The following CCNH variants were observed in gnomAD, a reference collection of about 807,000 sequenced individuals.
CCNH encodes the protein cyclin-H.
Under a neutral mutation model 41.9 loss-of-function variants are expected in CCNH, and 31 were observed. The ratio of observed to expected loss-of-function variants is 0.74; its 90% confidence interval spans 0.56 to 1.00. The LOEUF (loss-of-function observed/expected upper bound fraction) is 1.00. Among genes scored for constraint, CCNH ranks in the 50% least tolerant of loss-of-function variants. The pLI is 0.00. For missense variants in CCNH, 362 were observed against 388.4 expected, an observed-to-expected ratio of 0.93 and a Z score of 0.57; for synonymous variants, 138 against 136.1, an observed-to-expected ratio of 1.01 and a Z score of -0.10.
At chr5:87,376,194 T>A (rs768224355), downstream of CCNH, 21 of 637,468 alleles carry the variant, frequency 3.3e-5, 1 homozygote, top group Non-Finnish European at 5.4e-5. Flanking sequence ...ATCTCTGTAC[T>A]CTCTACCTAT....
chr5:87,335,303 T>A (rs1427325039), intron 9 of CCNH, among the ~76,000 whole-genome samples: 1 of 152,128 alleles, frequency 6.6e-6, no homozygotes, highest in Non-Finnish European at 1.5e-5. Flanking sequence ...AATGACAAAA[T>A]TTGAGTTTTG....
chr5:87,375,073 C>A (rs1452648516), downstream of CCNH, among the ~76,000 whole-genome samples: 2 of 151,956 alleles, frequency 1.3e-5, no homozygotes, highest in Non-Finnish European at 2.9e-5. Context: ...TATTGATTAT[C>A]AAGAAAGAAT....
At chr5:87,338,796 A>AAT (rs1226700895) in intron 9 of CCNH, among the ~76,000 whole-genome samples, 4 of 151,560 alleles carry the variant, frequency 2.6e-5, no homozygotes, top group Admixed American at 6.6e-5. Flanking sequence ...TTATCTTTCA[A>AAT]ATATATATAT....
chr5:87,408,177 A>G lies in CCNH; in HGVS notation c.324T>C (p.Cys108=). The G allele has an allele frequency of 6.3e-7, 1 of 1,594,580 alleles. No homozygotes were observed. Among genetic ancestry groups the G allele is most frequent in the Non-Finnish European group, 8.6e-7 (1 of 1,167,754 alleles). ...CATCTACTTTGCAGGCCAAAAATGC[A>G]CAAGTGAGCCTAGAGGAAAAAATAA... The part of the protein sequence containing the change: ...EYHPRIIMLT[C]AFLACKVDEF... The change falls in exon 4 of 9, where the codon TGT becomes TGC. Residue 108 remains cysteine (C), a synonymous_variant. Transcript: ENST00000256897.
At chr5:87,409,223 A>C (rs1202869714) in intron 3 of CCNH, 67 bp downstream of exon 3, 6 of 934,552 alleles carry the variant, frequency 6.4e-6, no homozygotes, top group African/African-American at 3.3e-5. Flanking sequence ...CTCTCCTCCC[A>C]AAAAATACTC....
intron 9 of CCNH, among the ~76,000 whole-genome samples, chr5:87,346,395 G>C (rs1301398041): frequency 2.0e-5 from 3 of 151,870 alleles, no homozygotes; most frequent in African/African-American, 7.2e-5. Flanking sequence ...ACCTATAACA[G>C]TCTGTTATTA....
chr5:87,390,372 A>G (rs1383656684), downstream of CCNH, among the ~76,000 whole-genome samples: 1 of 152,088 alleles, frequency 6.6e-6, no homozygotes, highest in Non-Finnish European at 1.5e-5. Context: ...GAGTTTGGTG[A>G]CTGAGTTCTC....
chr5:87,412,851 G>A lies in CCNH; in HGVS notation c.-57C>T, dbSNP rs913831994. On this transcript the variant is annotated 5_prime_UTR_variant, in exon 1 of 9. It adds an upstream start codon to the 5' untranslated region. Coordinates refer to ENST00000256897, the MANE Select transcript of CCNH (RefSeq NM_001239.4). ...CAGACGAGAACCCAAACGCATCAGC[G>A]TCCTGGCGTAAAACACCCGTACCCC... is the stretch of plus-strand genomic sequence containing the variant. 7.6e-6 allele frequency: 12 copies of A among 1,589,274 alleles called. No individual in the cohort carries two copies. The South Asian group carries it at 7.7e-5, about 10-fold the overall frequency.
At chr5:87,399,092 G>A (rs1474588240) in intron 7 of CCNH, among the ~76,000 whole-genome samples, 1 of 152,116 alleles carries the variant, frequency 6.6e-6, no homozygotes. Flanking sequence ...AAGATTAAAA[G>A]GACAGGAAAA....
intron 9 of CCNH, among the ~76,000 whole-genome samples, chr5:87,326,865 A>G (rs1280281479): frequency 6.6e-6 from 1 of 152,216 alleles, no homozygotes; most frequent in African/African-American, 2.4e-5. Context: ...TTAATGCCTT[A>G]GTAGAAAAAA....
chr5:87,399,288 A>G lies in CCNH; in HGVS notation c.872+106T>C, dbSNP rs548824087. ...CAATAAAGAAAATCTGATTTTATGGATCAGTCAGCTTTCCTCTAATGAGCA... is the reference window on the plus strand; with the variant it reads ...CAATAAAGAAAATCTGATTTTATGGGTCAGTCAGCTTTCCTCTAATGAGCA... On this transcript the variant is annotated intron_variant, in intron 7 of 8. Coordinates refer to ENST00000256897, the MANE Select transcript of CCNH (RefSeq NM_001239.4). 6.4e-6 allele frequency: 5 copies of G among 777,034 alleles called. No individual in the cohort carries two copies. In the South Asian group the frequency reaches 7.7e-5, roughly 12 times the overall value. The allele number at this position is 777,034 out of a possible 1,614,324, so 48.1% of individuals were successfully genotyped here.
At chr5:87,371,651 AT>A (rs769032137), downstream of CCNH, among the ~76,000 whole-genome samples, 3 of 152,120 alleles carry the variant, frequency 2.0e-5, no homozygotes, top group Non-Finnish European at 2.9e-5. Flanking sequence ...GTATAGATTA[AT>A]ATGCTTGTCA....
downstream of CCNH, chr5:87,386,949 T>C: frequency 6.8e-7 from 1 of 1,478,326 alleles, no homozygotes; most frequent in South Asian, 1.1e-5. Flanking sequence ...TTCTAGTTGA[T>C]ATAGCTGAGT....
intron 4 of CCNH, 46 bp from the exon 5 acceptor site, chr5:87,405,053 G>C: frequency 7.2e-7 from 1 of 1,393,410 alleles, no homozygotes. Flanking sequence ...GGGTTTAAAT[G>C]GAGTATAACA....
At chr5:87,312,113 A>G in the CCNH span, among the ~76,000 whole-genome samples, 1 of 152,244 alleles carries the variant, frequency 6.6e-6, no homozygotes, top group Admixed American at 6.5e-5. Context: ...GATGCAACCT[A>G]TGATATGCAT....
intron 9 of CCNH, chr5:87,362,433 A>T: frequency 1.1e-6 from 1 of 939,456 alleles, no homozygotes; most frequent in Non-Finnish European, 1.6e-6. Flanking sequence ...TTTATGTGTT[A>T]TGTGTATCTA....
intron 3 of CCNH, among the ~76,000 whole-genome samples, chr5:87,408,659 G>C (rs1184965062): frequency 6.6e-6 from 1 of 152,156 alleles, no homozygotes; most frequent in Non-Finnish European, 1.5e-5. Flanking sequence ...TTATTTAAGG[G>C]ACAAACTTGT....
At chr5:87,375,494 C>A (rs1761264510), downstream of CCNH, among the ~76,000 whole-genome samples, 1 of 152,180 alleles carries the variant, frequency 6.6e-6, no homozygotes. Context: ...CTCCTGACCT[C>A]AGGTGATCTG....
intron 9 of CCNH, among the ~76,000 whole-genome samples, chr5:87,329,958 A>G (rs1757492515): frequency 6.6e-6 from 1 of 152,146 alleles, no homozygotes. Flanking sequence ...TGAAAGTTAA[A>G]TTTACTTGTC....
Sources: allele counts gnomAD v4.1 joint callset (sites outside exome capture counted in the v4.1 genomes callset), GRCh38; gene constraint gnomAD v4.1.1; transcripts MANE v1.5; gene names NCBI Gene and HGNC (gene_info 2026-07-23, HGNC 2026-07-21).